CD44: variants seen among roughly 807,000 people sequenced by gnomAD.
CD44 encodes the protein CD44 molecule (IN blood group).
Under a neutral mutation model 88.8 loss-of-function variants are expected in CD44, and 49 were observed. The observed-to-expected ratio is 0.55, with a 90% CI of 0.44 to 0.70. CD44 has a LOEUF of 0.70. CD44 is among the 30% of genes least tolerant of loss of function. CD44 has a pLI of 0.00. For missense variants in CD44, 883 were observed against 913.8 expected (o/e 0.97, Z 0.43); for synonymous variants, 325 against 312.3 (o/e 1.04, Z -0.43).
Position 35,186,867 on chromosome 11 carries a change from C to A in CD44, c.403C>A (p.Leu135Met). ...PEEDCTSVTD[L>M]PNAFDGPITI... Reference sequence around the variant, plus strand: ...AGAAGATTGTACATCAGTCACAGACCTGCCCAATGCCTTTGATGGACCAAT... The same window carrying A: ...AGAAGATTGTACATCAGTCACAGACATGCCCAATGCCTTTGATGGACCAAT... Residue 135 changes from leucine (L) to methionine (M), a missense_variant, in exon 4 of 18, where the codon CTG becomes ATG. Transcript: ENST00000428726. 1 of 1,607,546 alleles carries A rather than the reference C, an allele frequency of 6.2e-7. No individual in the cohort carries two copies. Among genetic ancestry groups the A allele is most frequent in the Non-Finnish European group, 8.5e-7 (1 of 1,174,076 alleles).
Position 35,214,879 on chromosome 11 carries a change from G to A in CD44, c.1838G>A (p.Gly613Glu), listed in dbSNP as rs1440406082. 3.8e-6 allele frequency: 6 copies of A among 1,562,496 alleles called. No homozygotes were observed. Among genetic ancestry groups the A allele is most frequent in the Non-Finnish European group, 4.3e-6 (5 of 1,154,346 alleles). Residue 613 changes from glycine to glutamate, a missense_variant, in exon 15 of 18, where the codon GGG becomes GAG. Physicochemically the swap from Gly to Glu is moderately conservative, Grantham distance 98 (BLOSUM62 -2). Coordinates refer to ENST00000428726, the MANE Select transcript of CD44 (RefSeq NM_000610.4). ...GACCAAGACACATTCCACCCCAGTG[G>A]GGGGTCCCATACCACTCATGGATCT... Reference protein sequence around the residue: ...SGDQDTFHPSGGSHTTHGSES... With the variant: ...SGDQDTFHPSEGSHTTHGSES...
intron 1 of CD44, among the ~76,000 whole-genome samples, chr11:35,175,047 G>A (rs1944310059): frequency 6.6e-6 from 1 of 152,170 alleles, no homozygotes; most frequent in Non-Finnish European, 1.5e-5. Flanking sequence ...TCTAAAGTGA[G>A]GTGACGTGGA....
chr11:35,170,457 C>T (rs1162968085), intron 1 of CD44, among the ~76,000 whole-genome samples: 1 of 152,212 alleles, frequency 6.6e-6, no homozygotes, highest in African/African-American at 2.4e-5. Context: ...CTCTGTGCTG[C>T]CCACAGCCCT....
intron 4 of CD44, among the ~76,000 whole-genome samples, chr11:35,189,100 G>T (rs995038623): frequency 1.3e-5 from 2 of 152,180 alleles, no homozygotes; most frequent in African/African-American, 2.4e-5. Context: ...GAGGAATAAT[G>T]AATGAATGCA....
intron 9 of CD44, 138 bp from the exon 10 acceptor site, chr11:35,204,374 A>G: frequency 1.4e-6 from 1 of 700,356 alleles, no homozygotes; most frequent in Non-Finnish European, 2.4e-6. Context: ...TTAGAATATC[A>G]GTGGCCTGTT....
chr11:35,215,348 A>T (rs186056098), intron 15 of CD44, among the ~76,000 whole-genome samples: 21 of 152,364 alleles, frequency 1.4e-4, no homozygotes, highest in Admixed American at 2.6e-4. Flanking sequence ...ACTGAGCAAG[A>T]TGCTTTAAAG....
intron 1 of CD44, among the ~76,000 whole-genome samples, chr11:35,152,504 T>C (rs1860517122): frequency 2.0e-5 from 3 of 152,238 alleles, no homozygotes; most frequent in Non-Finnish European, 4.4e-5. Context: ...GTGTGAACCA[T>C]TTGGGGATAA....
At chr11:35,183,732 C>T (rs1011438418) in intron 3 of CD44, among the ~76,000 whole-genome samples, 2 of 151,984 alleles carry the variant, frequency 1.3e-5, no homozygotes, top group African/African-American at 4.8e-5. Flanking sequence ...TGAGGCCCAA[C>T]GTGAGCCTGG....
intron 1 of CD44, among the ~76,000 whole-genome samples, chr11:35,150,601 G>A (rs1039084043): frequency 2.6e-5 from 4 of 152,190 alleles, no homozygotes; most frequent in African/African-American, 7.2e-5. Flanking sequence ...TTTTGGTTGT[G>A]CTGACTTTAT....
chr11:35,143,236 A>C (rs1858365296), intron 1 of CD44, among the ~76,000 whole-genome samples: 1 of 151,754 alleles, frequency 6.6e-6, no homozygotes, highest in Non-Finnish European at 1.5e-5. Flanking sequence ...CACCTCCTGG[A>C]ACATCGCTAG....
At chr11:35,191,853 C>G (rs556727466) in intron 5 of CD44, among the ~76,000 whole-genome samples, 1 of 152,164 alleles carries the variant, frequency 6.6e-6, no homozygotes. Context: ...ATTTTGAGAA[C>G]CTACTACGTA....
rs776786141 is a variant in CD44, at chr11:35,142,534, C to G, written c.67+3164C>G. 5.2e-4 allele frequency among the ~76,000 whole-genome samples: 79 copies of G among 152,148 alleles called. 1 individual carries two copies. The highest frequency in any genetic ancestry group is 5.4e-4 in the Non-Finnish European group (37 of 68,028). On this transcript the variant is annotated intron_variant, in intron 1 of 17. Transcript: ENST00000428726. ...CACACACCTTTCTGCTCCCTTCTCTCTAATTGAGCATTAGAGACTCCGCCC... is the reference window on the plus strand; with the variant it reads ...CACACACCTTTCTGCTCCCTTCTCTGTAATTGAGCATTAGAGACTCCGCCC...
intron 11 of CD44, among the ~76,000 whole-genome samples, chr11:35,206,666 TG>T (rs144689531): frequency 8.6e-6 from 1 of 115,868 alleles, no homozygotes; most frequent in African/African-American, 4.5e-5. Context: ...TGGTGGGGGT[TG>T]GTGGGGGGGG....
chr11:35,193,514 T>C (rs1946467606), intron 5 of CD44, among the ~76,000 whole-genome samples: 1 of 152,248 alleles, frequency 6.6e-6, no homozygotes, highest in Non-Finnish European at 1.5e-5. Context: ...TGCAAAATTT[T>C]GAGTGTGTAT....
Position 35,230,222 on chromosome 11 carries a change from G to GTTTTTTTT in CD44, c.*894_*901dup, listed in dbSNP as rs397849775. ...GCACTGTTTTTGTTTTTTGTTTTTTGTTTTTTTTTTTTGACACTGTCCAAA... is the reference window on the plus strand; with the variant it reads ...GCACTGTTTTTGTTTTTTGTTTTTTGTTTTTTTTTTTTTTTTTTTTGACACTGTCCAAA... On this transcript the variant is annotated 3_prime_UTR_variant, in exon 18 of 18. Coordinates refer to ENST00000428726, the MANE Select transcript of CD44 (RefSeq NM_000610.4). The GTTTTTTTT allele has an allele frequency of 6.9e-6, 1 of 145,074 alleles. No homozygotes were observed. The highest frequency in any genetic ancestry group is 1.5e-5 in the Non-Finnish European group (1 of 65,892). 9.0% of individuals were successfully genotyped at this position (145,074 alleles called of 1,614,324 possible).
At chr11:35,148,069 C>A (rs1859547819) in intron 1 of CD44, among the ~76,000 whole-genome samples, 1 of 150,414 alleles carries the variant, frequency 6.6e-6, no homozygotes, top group African/African-American at 2.5e-5. Context: ...CCAGCCTGGG[C>A]AACAAGAGCG....
rs1487731370 is a variant in CD44 at position 35,222,973 on chromosome 11, C to CA, written c.2024+1242dup. ...AGCAACCAACAGCTAATTCCAACAC[C>CA]ATGGGCAGCCCATACAGTCTCTAAT... On this transcript the variant is annotated intron_variant, in intron 17 of 17. Coordinates refer to ENST00000428726, the MANE Select transcript of CD44 (RefSeq NM_000610.4). The CA allele has an allele frequency of 6.1e-6, 6 of 985,218 alleles. No individual in the cohort carries two copies. In the African/African-American group the frequency reaches 1.0e-4, roughly 17 times the overall value. 61.0% of individuals were successfully genotyped at this position (985,218 alleles called of 1,614,324 possible).
intron 14 of CD44, 134 bp downstream of exon 14, chr11:35,211,583 G>A (rs772519887): frequency 1.0e-4 from 66 of 643,762 alleles, no homozygotes; most frequent in South Asian, 2.1e-4. Context: ...TTCATTATTG[G>A]TTATCAATTC....
intron 9 of CD44, 56 bp downstream of exon 9, chr11:35,201,843 A>C: frequency 6.4e-7 from 1 of 1,565,674 alleles, no homozygotes; most frequent in Non-Finnish European, 8.7e-7. Context: ...AAGACATTCC[A>C]GCAATAGGGA....
Sources: allele counts gnomAD v4.1 joint callset (sites outside exome capture counted in the v4.1 genomes callset), GRCh38; gene constraint gnomAD v4.1.1; transcripts MANE v1.5; gene names NCBI Gene and HGNC (gene_info 2026-07-23, HGNC 2026-07-21).